The following ATP10B variants were observed in gnomAD, a reference collection of about 807,000 sequenced individuals.
The protein encoded by ATP10B is phospholipid-transporting ATPase VB.
Under a neutral mutation model 141.2 loss-of-function variants are expected in ATP10B, and 122 were observed. The ratio of observed to expected loss-of-function variants is 0.86; its 90% CI spans 0.75 to 1.00. ATP10B has a LOEUF of 1.00. Ranked by LOEUF, ATP10B falls within the 50% of genes least tolerant of loss-of-function variation. The probability of loss-of-function intolerance (pLI) is 0.00; values close to 1 mark genes in which losing one functional copy is unlikely to be tolerated. For synonymous variants in ATP10B, 685 were observed against 692.0 expected, an observed-to-expected ratio of 0.99 and a Z score of 0.16; for missense variants, 1,876 against 1,825.3, an observed-to-expected ratio of 1.03 and a Z score of -0.51.
chr5:160,814,784 C>T (rs1581584651), intron 1 of ATP10B, among the ~76,000 whole-genome samples: 1 of 149,292 alleles, frequency 6.7e-6, no homozygotes, highest in Admixed American at 6.7e-5. Flanking sequence ...AACAGCTGAT[C>T]TCTCAGCAGA....
chr5:160,802,963 A>C (rs1044130085), intron 1 of ATP10B, among the ~76,000 whole-genome samples: 5 of 152,196 alleles, frequency 3.3e-5, no homozygotes, highest in African/African-American at 1.2e-4. Flanking sequence ...TAAGGTTGTC[A>C]GCTGCTTGCT....
chr5:160,729,302 C>G (rs1228477065), intron 2 of ATP10B, among the ~76,000 whole-genome samples: 24 of 152,114 alleles, frequency 1.6e-4, no homozygotes. Flanking sequence ...TTATTGCTAG[C>G]ACATATCTGA....
chr5:160,894,077 G>T, the ATP10B span, among the ~76,000 whole-genome samples: 10 of 152,040 alleles, frequency 6.6e-5, no homozygotes, highest in African/African-American at 2.4e-4. Flanking sequence ...ATAAATCCAC[G>T]AAGATGAAGA....
chr5:160,823,062 A>G (rs1190295454), intron 1 of ATP10B, among the ~76,000 whole-genome samples: 5 of 138,362 alleles, frequency 3.6e-5, no homozygotes, highest in African/African-American at 5.2e-5. Context: ...TTGGATTGTA[A>G]CACAAAGGAT....
chr5:160,653,404 TAC>T lies in ATP10B; in HGVS notation c.676-4150_676-4149del, dbSNP rs1481485524. 5.3e-3 allele frequency among the ~76,000 whole-genome samples: 140 copies of T among 26,502 alleles called. 7 individuals are homozygous for T. Among genetic ancestry groups the T allele is most frequent in the Non-Finnish European group, 0.01 (111 of 11,062 alleles). The allele number at this position is 26,502 out of a possible 152,430, so 17.4% of individuals were successfully genotyped here. On this transcript the variant is annotated intron_variant, in intron 7 of 25. Coordinates refer to ENST00000327245, the MANE Select transcript of ATP10B (RefSeq NM_025153.3). The stretch of plus-strand genomic sequence containing the variant: ...TAGGTAGTATATATACATACGTACA[TAC>T]ATACATAGGTAGTATATATACATAT...
intron 24 of ATP10B, among the ~76,000 whole-genome samples, chr5:160,571,612 A>G (rs953494331): frequency 6.6e-6 from 1 of 152,184 alleles, no homozygotes; most frequent in Non-Finnish European, 1.5e-5. Flanking sequence ...TTGTGCTAAA[A>G]GTTAGACACA....
At chr5:160,705,197 C>G (rs566237765) in intron 3 of ATP10B, among the ~76,000 whole-genome samples, 1 of 151,980 alleles carries the variant, frequency 6.6e-6, no homozygotes, top group African/African-American at 2.4e-5. Flanking sequence ...GGATTACAGG[C>G]GTGAGCCACG....
At chr5:160,887,274 A>ATCATC in the ATP10B span, among the ~76,000 whole-genome samples, 1 of 152,190 alleles carries the variant, frequency 6.6e-6, no homozygotes, top group African/African-American at 2.4e-5. Context: ...TATAATTAAA[A>ATCATC]TCATCTCTAT....
chr5:160,867,589 A>G, the ATP10B span, among the ~76,000 whole-genome samples: 1 of 152,152 alleles, frequency 6.6e-6, no homozygotes, highest in Non-Finnish European at 1.5e-5. Context: ...TATTATAAAG[A>G]TAAGCATGTA....
intron 1 of ATP10B, among the ~76,000 whole-genome samples, chr5:160,799,136 TTG>T (rs1201418661): frequency 6.6e-6 from 1 of 152,200 alleles, no homozygotes; most frequent in East Asian, 1.9e-4. Flanking sequence ...TTTTTCAGGT[TTG>T]TGTTTTAAAA....
intron 3 of ATP10B, among the ~76,000 whole-genome samples, chr5:160,703,427 A>T (rs1040132648): frequency 2.6e-5 from 4 of 152,142 alleles, no homozygotes; most frequent in Admixed American, 1.3e-4. Context: ...ATCTGAGCTT[A>T]TAAAAATAGT....
In ATP10B at chr5:160,649,217, C is replaced by A. The variant is rs751050963; in HGVS notation, c.715G>T (p.Val239Leu). 4 of 1,613,926 alleles carry A rather than the reference C, an allele frequency of 2.5e-6. No individual in the cohort carries two copies. The South Asian group carries it at 3.3e-5, about 13-fold the overall frequency. Residue 239 changes from valine to leucine, a missense_variant, in exon 8 of 26, where the codon GTG (valine) becomes TTG (leucine). By Grantham distance (32) the Val-to-Leu change is conservative. Transcript: ENST00000327245. Reference sequence around the variant, plus strand: ...AGGTGGTTGTTGGGTTTCTCACACACGATGGTATTGTGGAAAAGCTCTGGT... The same window carrying A: ...AGGTGGTTGTTGGGTTTCTCACACAAGATGGTATTGTGGAAAAGCTCTGGT... Reference protein sequence around the residue: ...FEPELFHNTIVCEKPNNHLNK... With the variant: ...FEPELFHNTILCEKPNNHLNK...
At chr5:160,793,580 A>G (rs1261764733) in intron 1 of ATP10B, among the ~76,000 whole-genome samples, 2 of 152,212 alleles carry the variant, frequency 1.3e-5, no homozygotes, top group Non-Finnish European at 2.9e-5. Flanking sequence ...AATTTCTGTC[A>G]CCTAATGCCG....
intron 2 of ATP10B, among the ~76,000 whole-genome samples, chr5:160,755,229 C>A (rs1768439022): frequency 1.3e-5 from 2 of 151,744 alleles, no homozygotes; most frequent in African/African-American, 2.4e-5. Context: ...GTGCCACACA[C>A]TTTTAAAGGA....
the ATP10B span, among the ~76,000 whole-genome samples, chr5:160,926,565 G>A: frequency 7.9e-5 from 12 of 152,342 alleles, no homozygotes; most frequent in African/African-American, 2.9e-4. Context: ...CAAACAGACA[G>A]GGCTGGGGCT....
At chr5:160,663,420 A>G (rs1762080762) in intron 7 of ATP10B, among the ~76,000 whole-genome samples, 1 of 152,176 alleles carries the variant, frequency 6.6e-6, no homozygotes, top group Non-Finnish European at 1.5e-5. Context: ...CTGGATTAAG[A>G]AAATGTGGCA....
the ATP10B span, among the ~76,000 whole-genome samples, chr5:160,890,741 G>C: frequency 6.6e-6 from 1 of 152,170 alleles, no homozygotes; most frequent in Non-Finnish European, 1.5e-5. Context: ...TAGAGCCAGG[G>C]TCTTTCTCTG....
At chr5:160,686,857 A>T in intron 5 of ATP10B, 1 of 772,562 alleles carries the variant, frequency 1.3e-6, no homozygotes, top group Non-Finnish European at 1.6e-6. Context: ...GTAAATGGTC[A>T]CTTATAATAA....
At chr5:160,799,597 T>C (rs559283520) in intron 1 of ATP10B, among the ~76,000 whole-genome samples, 1 of 152,324 alleles carries the variant, frequency 6.6e-6, no homozygotes, top group South Asian at 2.1e-4. Context: ...TCAACACCAC[T>C]TCAGTATGAA....
Sources: gnomAD v4.1 joint callset for allele counts (sites outside exome capture counted in the v4.1 genomes callset) on GRCh38, gnomAD v4.1.1 for gene constraint, MANE v1.5 for transcripts, NCBI Gene and HGNC (gene_info 2026-07-23, HGNC 2026-07-21) for gene names.